ANP32E: variants seen among roughly 807,000 people sequenced by gnomAD.
ANP32E encodes the protein acidic nuclear phosphoprotein 32 family member E, also known as acidic leucine-rich nuclear phosphoprotein 32 family member E.
Under a neutral mutation model 35.3 loss-of-function variants are expected in ANP32E, and 14 were observed. That is an observed-to-expected ratio of 0.40 (90% confidence interval 0.26 to 0.62). The LOEUF (loss-of-function observed/expected upper bound fraction) is 0.62, where lower values mean the gene tolerates loss of function less well. ANP32E is among the 20% of genes least tolerant of loss of function. The pLI, the probability that ANP32E is intolerant of heterozygous loss-of-function variation, is 0.45. For missense variants in ANP32E, 198 were observed against 304.4 expected (o/e 0.65, Z 2.60); for synonymous variants, 89 against 110.4 (o/e 0.81, Z 1.22).
At chr1:150,221,573 AGT>A (rs1648393955) in intron 6 of ANP32E, among the ~76,000 whole-genome samples, 1 of 4,136 alleles carries the variant, frequency 2.4e-4, no homozygotes, top group African/African-American at 1.5e-3. Flanking sequence ...AAGGAAGGAG[AGT>A]GGGAGGAAGG....
At chr1:150,226,042 G>A (rs1265575524) in intron 5 of ANP32E, among the ~76,000 whole-genome samples, 5 of 133,892 alleles carry the variant, frequency 3.7e-5, no homozygotes, top group African/African-American at 5.6e-5. Flanking sequence ...GTCTTGCTCC[G>A]TTGCCCAGGC....
chr1:150,226,466 T>TG (rs1187949436), intron 5 of ANP32E, 142 bp downstream of exon 5: 4 of 917,032 alleles, frequency 4.4e-6, no homozygotes, highest in Non-Finnish European at 3.2e-6. Flanking sequence ...TGGAGGACAA[T>TG]GAAAAAAAAG....
At chr1:150,223,654 C>A (rs1465298255) in intron 5 of ANP32E, among the ~76,000 whole-genome samples, 1 of 125,272 alleles carries the variant, frequency 8.0e-6, no homozygotes, top group Admixed American at 9.6e-5. Context: ...GCACTCCAGC[C>A]TGGCAGAAAA....
intron 5 of ANP32E, among the ~76,000 whole-genome samples, chr1:150,224,292 G>A (rs1384459309): frequency 6.6e-6 from 1 of 152,074 alleles, no homozygotes; most frequent in Non-Finnish European, 1.5e-5. Context: ...GGAAAAGGTG[G>A]GGCCAGGTGC....
chr1:150,221,414 G>A (rs1205263940), intron 6 of ANP32E, among the ~76,000 whole-genome samples: 1 of 111,582 alleles, frequency 9.0e-6, no homozygotes, highest in African/African-American at 3.6e-5. Flanking sequence ...ACTCCAGTCT[G>A]GGCGACAGAG....
chr1:150,233,038 G>C (rs929303800), intron 1 of ANP32E, among the ~76,000 whole-genome samples: 1 of 151,962 alleles, frequency 6.6e-6, no homozygotes, highest in Non-Finnish European at 1.5e-5. Flanking sequence ...GCTGAGGCAG[G>C]TGGATCACTT....
chr1:150,228,890 C>G (rs782557351), intron 4 of ANP32E, among the ~76,000 whole-genome samples, 182 bp downstream of exon 4: 12 of 151,988 alleles, frequency 7.9e-5, no homozygotes, highest in Non-Finnish European at 1.8e-4. Flanking sequence ...TTCCCTGAAA[C>G]TATGGGAAAT....
rs903287587 is a variant in ANP32E at position 150,235,225 on chromosome 1, C to T, written c.54+508G>A. Among the ~76,000 whole-genome samples the T allele has an allele frequency of 1.3e-5, 2 of 152,240 alleles. No homozygotes were observed. Among genetic ancestry groups the T allele is most frequent in the African/African-American group, 2.4e-5 (1 of 41,464 alleles). On this transcript the variant is annotated intron_variant, in intron 1 of 6. Transcript: ENST00000583931. This position sits in a 1 kb window ranked among gnomAD's most constrained non-coding sequence, Gnocchi z 4.2. ...GACAGTGCGCGGACCCTGCAAGCGA[C>T]CCCAGCCCGCGCCCGTCGCGACGTC... is the stretch of plus-strand genomic sequence containing the variant.
chr1:150,230,963 G>A (rs1374016584), intron 2 of ANP32E, among the ~76,000 whole-genome samples: 2 of 151,986 alleles, frequency 1.3e-5, no homozygotes, highest in Non-Finnish European at 1.5e-5. Context: ...GGCTGGTCTC[G>A]AACTCCTGAC....
At chr1:150,229,566 C>T (rs1386508039) in intron 3 of ANP32E, among the ~76,000 whole-genome samples, 1 of 152,172 alleles carries the variant, frequency 6.6e-6, no homozygotes, top group African/African-American at 2.4e-5. Context: ...CACACCTCCG[C>T]CTCCCGGGTT....
In ANP32E at chr1:150,236,036, A is replaced by G; in HGVS notation, c.-250T>C. 1 of 531,138 alleles carries G rather than the reference A, an allele frequency of 1.9e-6. No homozygotes were observed. Among genetic ancestry groups the G allele is most frequent in the African/African-American group, 1.9e-5 (1 of 51,998 alleles). 32.9% of individuals were successfully genotyped at this position (531,138 alleles called of 1,614,324 possible). ...CTAGCGCGCGCACACACACGCACGC[A>G]CGCGCGCACACACATACACACACAC... On this transcript the variant is annotated 5_prime_UTR_variant, in exon 1 of 7. Coordinates refer to ENST00000583931, the MANE Select transcript of ANP32E (RefSeq NM_030920.5).
At chr1:150,228,119 T>G (rs1339711197) in intron 4 of ANP32E, among the ~76,000 whole-genome samples, 1 of 151,582 alleles carries the variant, frequency 6.6e-6, no homozygotes, top group East Asian at 1.9e-4. Flanking sequence ...CTTTTTTGTT[T>G]TGTTTTTGAG....
At chr1:150,232,395 C>T (rs1306192516) in intron 1 of ANP32E, among the ~76,000 whole-genome samples, 1 of 150,566 alleles carries the variant, frequency 6.6e-6, no homozygotes, top group East Asian at 1.9e-4. Context: ...TCCCCTTACA[C>T]GGATCCTTTT....
rs781794667 is a variant in ANP32E at position 150,235,798 on chromosome 1, G to C, written c.-12C>G. 2.5e-6 allele frequency: 4 copies of C among 1,571,070 alleles called. No individual in the cohort carries two copies. Among genetic ancestry groups the C allele is most frequent in the African/African-American group, 2.7e-5 (2 of 73,840 alleles). ...TTCTTCATCTCCATGTCCTCCTCTT[G>C]CTCTTCAGCTACTACTCTCCTTTTC... On this transcript the variant is annotated 5_prime_UTR_variant, in exon 1 of 7. Coordinates refer to ENST00000583931, the MANE Select transcript of ANP32E (RefSeq NM_030920.5). The surrounding 1 kb of genome is among the most constrained non-coding windows in gnomAD (Gnocchi z 4.2).
chr1:150,223,766 AC>A (rs1648641780), intron 5 of ANP32E, among the ~76,000 whole-genome samples: 1 of 141,768 alleles, frequency 7.1e-6, no homozygotes, highest in Non-Finnish European at 1.5e-5. Context: ...TTTTTTTGAG[AC>A]AGAGTTTCGC....
chr1:150,220,674 T>G lies in ANP32E; in HGVS notation c.*17A>C. The G allele has an allele frequency of 6.2e-7, 1 of 1,611,746 alleles. No homozygotes were observed. Among genetic ancestry groups the G allele is most frequent in the Non-Finnish European group, 8.5e-7 (1 of 1,177,996 alleles). On this transcript the variant is annotated 3_prime_UTR_variant, in exon 7 of 7. Transcript: ENST00000583931. Reference sequence around the variant, plus strand: ...TTGCACACCCAGAAACATTAGAGAATCTGGTCTTAGAATGATCTAGTCATC... The same window carrying G: ...TTGCACACCCAGAAACATTAGAGAAGCTGGTCTTAGAATGATCTAGTCATC...
intron 5 of ANP32E, among the ~76,000 whole-genome samples, chr1:150,225,030 T>TA (rs1648753264): frequency 6.6e-6 from 1 of 152,180 alleles, no homozygotes; most frequent in African/African-American, 2.4e-5. Flanking sequence ...CAAGTGTCTG[T>TA]AGGCAATAGA....
chr1:150,229,864 G>A (rs1028577139), intron 3 of ANP32E, among the ~76,000 whole-genome samples: 10 of 152,064 alleles, frequency 6.6e-5, no homozygotes, highest in African/African-American at 2.4e-4. Flanking sequence ...GGCTCACCTC[G>A]GCCTCCCAAA....
In ANP32E at chr1:150,235,282, C is replaced by T. The variant is rs908180035; in HGVS notation, c.54+451G>A. ...CCAGGGCCTCGAGGCCGGGGAAGCC[C>T]ACCCCCTAAAAAGATGAGTTGGCCG... On this transcript the variant is annotated intron_variant, in intron 1 of 6. Transcript: ENST00000583931. The surrounding 1 kb of genome is among the most constrained non-coding windows in gnomAD (Gnocchi z 4.2). Among the ~76,000 whole-genome samples the T allele has an allele frequency of 5.3e-5, 8 of 152,224 alleles. No individual in the cohort carries two copies. The highest frequency in any genetic ancestry group is 4.1e-4 in the South Asian group (2 of 4,830).
Sources: allele counts gnomAD v4.1 joint callset (sites outside exome capture counted in the v4.1 genomes callset), GRCh38; gene constraint gnomAD v4.1.1; non-coding constraint Gnocchi (gnomAD v3.1); transcripts MANE v1.5; gene names NCBI Gene and HGNC (gene_info 2026-07-23, HGNC 2026-07-21).